CRTAC1: variants seen among roughly 807,000 people sequenced by gnomAD.
CRTAC1 encodes the protein cartilage acidic protein 1.
CRTAC1 carries 37 observed loss-of-function variants against 67.8 expected under a neutral mutation model. That is an observed-to-expected ratio of 0.55 (90% confidence interval 0.42 to 0.72). The LOEUF is 0.72. Ranked by LOEUF, CRTAC1 falls within the 30% of genes least tolerant of loss-of-function variation. The probability of loss-of-function intolerance (pLI) is 0.00; values close to 1 mark genes in which losing one functional copy is unlikely to be tolerated. For missense variants in CRTAC1, 780 were observed against 931.6 expected (o/e 0.84, Z 2.12); for synonymous variants, 348 against 371.0 (o/e 0.94, Z 0.71).
At chr10:98,018,871 C>G (rs1029619107) in intron 1 of CRTAC1, among the ~76,000 whole-genome samples, 1 of 152,180 alleles carries the variant, frequency 6.6e-6, no homozygotes, top group Admixed American at 6.5e-5. Context: ...CACAAAAGAG[C>G]TCCTGGAACT....
At chr10:97,876,946 T>G (rs1161941604) in intron 14 of CRTAC1, among the ~76,000 whole-genome samples, 1 of 2,698 alleles carries the variant, frequency 3.7e-4, no homozygotes, top group Non-Finnish European at 1.1e-3. Flanking sequence ...GGAGGCTCTG[T>G]TTTTTTTTTT....
intron 2 of CRTAC1, among the ~76,000 whole-genome samples, chr10:97,962,687 C>T (rs1047475824): frequency 2.0e-5 from 3 of 152,102 alleles, no homozygotes; most frequent in Admixed American, 2.0e-4. Context: ...CTGAGCAAGG[C>T]TCTGCGGTCT....
Position 97,968,870 on chromosome 10 carries a change from G to A in CRTAC1, c.225-32504C>T, listed in dbSNP as rs536789114. Among the ~76,000 whole-genome samples the A allele has an allele frequency of 1.8e-3, 279 of 152,298 alleles. 2 individuals carry two copies. In the Middle Eastern group the frequency reaches 0.02, roughly 11 times the overall value. On this transcript the variant is annotated intron_variant, in intron 2 of 14. Transcript: ENST00000370597. ...CGGGTGCTCACTAAAAATGCAGACCGTGGGTCCTATCCCCAAAGATTTTGA... is the reference window on the plus strand; with the variant it reads ...CGGGTGCTCACTAAAAATGCAGACCATGGGTCCTATCCCCAAAGATTTTGA...
At chr10:97,985,994 G>A (rs564176125) in intron 2 of CRTAC1, among the ~76,000 whole-genome samples, 10 of 152,248 alleles carry the variant, frequency 6.6e-5, no homozygotes, top group African/African-American at 2.2e-4. Flanking sequence ...GCACCAATGC[G>A]GACCACAATA....
intron 11 of CRTAC1, among the ~76,000 whole-genome samples, chr10:97,889,927 C>T (rs749987136): frequency 6.6e-6 from 1 of 152,166 alleles, no homozygotes; most frequent in Non-Finnish European, 1.5e-5. Flanking sequence ...GACATTCCCG[C>T]TTCTCACCCC....
intron 1 of CRTAC1, among the ~76,000 whole-genome samples, chr10:98,016,557 C>A (rs560205323): frequency 6.6e-6 from 1 of 152,074 alleles, no homozygotes; most frequent in Non-Finnish European, 1.5e-5. Flanking sequence ...ATATGAGACT[C>A]TAGGCTGGCG....
At chr10:98,012,034 C>T (rs1387836449) in intron 1 of CRTAC1, among the ~76,000 whole-genome samples, 1 of 152,140 alleles carries the variant, frequency 6.6e-6, no homozygotes, top group East Asian at 1.9e-4. Context: ...TGCCAACATC[C>T]CTCCCTAGGG....
intron 2 of CRTAC1, among the ~76,000 whole-genome samples, chr10:97,949,648 A>G (rs2051320360): frequency 6.6e-6 from 1 of 152,222 alleles, no homozygotes; most frequent in African/African-American, 2.4e-5. Context: ...AGTCAGACAT[A>G]AAGGCTGAGA....
chr10:97,996,354 C>T (rs1434153274), intron 2 of CRTAC1, among the ~76,000 whole-genome samples: 18 of 150,354 alleles, frequency 1.2e-4, no homozygotes, highest in Admixed American at 1.2e-3. Flanking sequence ...GGCTAATATC[C>T]AGAATCTACA....
chr10:97,891,119 C>T (rs1402645646), intron 11 of CRTAC1, among the ~76,000 whole-genome samples: 1 of 152,110 alleles, frequency 6.6e-6, no homozygotes, highest in African/African-American at 2.4e-5. Flanking sequence ...AGTACGTGCT[C>T]AGTAAATATG....
intron 11 of CRTAC1, among the ~76,000 whole-genome samples, chr10:97,892,060 G>A (rs536150722): frequency 6.6e-6 from 1 of 152,352 alleles, no homozygotes; most frequent in Admixed American, 6.5e-5. Context: ...GCAAGGACTT[G>A]CACCAGGCGG....
intron 4 of CRTAC1, among the ~76,000 whole-genome samples, chr10:97,920,698 G>A (rs568741087): frequency 1.4e-4 from 21 of 152,288 alleles, no homozygotes; most frequent in African/African-American, 3.1e-4. Context: ...ACTGCTCCTC[G>A]TCCTCGGGCA....
chr10:97,905,424 T>C (rs1229513155), intron 6 of CRTAC1, among the ~76,000 whole-genome samples: 1 of 152,146 alleles, frequency 6.6e-6, no homozygotes, highest in Non-Finnish European at 1.5e-5. Flanking sequence ...AGCCACAATG[T>C]CACTTCCTCC....
At chr10:98,006,186 T>A (rs1842786202) in intron 2 of CRTAC1, among the ~76,000 whole-genome samples, 1 of 152,234 alleles carries the variant, frequency 6.6e-6, no homozygotes, top group Non-Finnish European at 1.5e-5. Context: ...CCAACAGGAA[T>A]TCCTTTCCAG....
intron 1 of CRTAC1, among the ~76,000 whole-genome samples, chr10:98,021,010 CTCAT>C (rs3075454): frequency 0.21 from 32,022 of 151,722 alleles, 3,518 homozygotes; most frequent in African/African-American, 0.24. Context: ...CCACTATTCA[CTCAT>C]TCATTCATTC....
chr10:97,970,549 C>T (rs2136652431), intron 2 of CRTAC1, among the ~76,000 whole-genome samples: 1 of 152,328 alleles, frequency 6.6e-6, no homozygotes, highest in East Asian at 1.9e-4. Context: ...CGTGTTCCTG[C>T]CTCAGGCCAG....
intron 3 of CRTAC1, among the ~76,000 whole-genome samples, chr10:97,928,139 C>T (rs1315708365): frequency 4.6e-5 from 7 of 152,078 alleles, no homozygotes; most frequent in Admixed American, 4.6e-4. Flanking sequence ...TTACGAGGGG[C>T]AAGTCTAGTG....
rs7068503 is a variant in CRTAC1, at chr10:97,904,699, T to C, written c.966A>G (p.Gln322=). 0.073 allele frequency: 116,844 copies of C among 1,590,246 alleles called. 4,871 individuals are homozygous for C. Among genetic ancestry groups the C allele is most frequent in the African/African-American group, 0.14 (9,982 of 73,622 alleles). The change falls in exon 7 of 15, where the codon CAA becomes CAG. Residue 322 remains glutamine (Q), a synonymous_variant. Coordinates refer to ENST00000370597, the MANE Select transcript of CRTAC1 (RefSeq NM_018058.7). The part of the protein sequence containing the change: ...NWNGPHRLYL[Q]MSTHGKVRFR... ...AGCGGACCTTCCCATGGGTGCTCAT[T>C]TGCAGATAGAGGCGGTGGGGGCCAT...
intron 5 of CRTAC1, among the ~76,000 whole-genome samples, chr10:97,917,234 C>G (rs1209912131): frequency 2.6e-5 from 4 of 152,206 alleles, no homozygotes; most frequent in African/African-American, 9.6e-5. Flanking sequence ...GTGGTGTTCT[C>G]ACATCCCACT....
Sources: gnomAD v4.1 joint callset for allele counts (sites outside exome capture counted in the v4.1 genomes callset) on GRCh38, gnomAD v4.1.1 for gene constraint, MANE v1.5 for transcripts, NCBI Gene and HGNC (gene_info 2026-07-23, HGNC 2026-07-21) for gene names.